Variants in EML6 observed in about 807,000 individuals in gnomAD.
The protein encoded by EML6 is echinoderm microtubule-associated protein-like 6.
Under a neutral mutation model 240.1 loss-of-function variants are expected in EML6, and 154 were observed. The observed-to-expected ratio is 0.64, with a 90% CI of 0.56 to 0.73. EML6 has a LOEUF of 0.73. Among genes scored for constraint, EML6 ranks in the 30% least tolerant of loss-of-function variants. The pLI, the probability that EML6 is intolerant of heterozygous loss-of-function variation, is 0.00. For synonymous variants in EML6, 1,148 were observed against 899.0 expected (o/e 1.28, Z -4.95); for missense variants, 2,964 against 2,474.6 (o/e 1.20, Z -4.20).
chr2:54,744,966 T>G (rs1173390972), intron 2 of EML6, among the ~76,000 whole-genome samples: 1 of 100,154 alleles, frequency 1.0e-5, no homozygotes, highest in South Asian at 3.6e-4. Flanking sequence ...ACACACACCC[T>G]GCCATGCAGG....
At chr2:54,867,867 C>T (rs1377393422) in intron 14 of EML6, 1 of 152,170 alleles carries the variant, frequency 6.6e-6, no homozygotes, top group African/African-American at 2.4e-5. Context: ...TTTACCCTAA[C>T]ATAATCTTTT....
chr2:54,831,172 G>A (rs1668851207), intron 7 of EML6, among the ~76,000 whole-genome samples: 1 of 152,180 alleles, frequency 6.6e-6, no homozygotes, highest in South Asian at 2.1e-4. Context: ...TACTTAGAGA[G>A]CAGAGTCAAC....
intron 2 of EML6, among the ~76,000 whole-genome samples, chr2:54,742,754 A>G (rs973494156): frequency 2.0e-5 from 3 of 152,238 alleles, no homozygotes; most frequent in African/African-American, 7.2e-5. Context: ...TGAGAATTCA[A>G]TTCAGTAAAG....
intron 2 of EML6, among the ~76,000 whole-genome samples, chr2:54,803,341 T>C (rs1462331894): frequency 1.3e-5 from 2 of 152,176 alleles, no homozygotes; most frequent in Non-Finnish European, 2.9e-5. Context: ...GACCTCAATT[T>C]AGCCCTATTT....
At chr2:54,766,615 T>A (rs1330336798) in intron 2 of EML6, among the ~76,000 whole-genome samples, 1 of 144,438 alleles carries the variant, frequency 6.9e-6, no homozygotes, top group Non-Finnish European at 1.6e-5. Context: ...TATGGCAAAG[T>A]TACTATTTTT....
intron 3 of EML6, 89 bp downstream of exon 3, chr2:54,813,480 A>C: frequency 1.8e-6 from 2 of 1,140,514 alleles, no homozygotes; most frequent in Non-Finnish European, 2.5e-6. Flanking sequence ...TTCAAAGTCC[A>C]TCAACCCTTG....
chr2:54,739,253 A>G (rs1683530232), intron 2 of EML6, among the ~76,000 whole-genome samples: 1 of 152,234 alleles, frequency 6.6e-6, no homozygotes, highest in Non-Finnish European at 1.5e-5. Flanking sequence ...CTATGATTTA[A>G]AAGTAGGGAT....
intron 7 of EML6, among the ~76,000 whole-genome samples, chr2:54,835,975 C>G (rs1669118995): frequency 1.3e-5 from 2 of 152,174 alleles, no homozygotes; most frequent in African/African-American, 4.8e-5. Flanking sequence ...ATCCTATTCT[C>G]CAGTCCCGCG....
At chr2:54,838,216 C>G (rs1346749017) in intron 7 of EML6, among the ~76,000 whole-genome samples, 1 of 152,226 alleles carries the variant, frequency 6.6e-6, no homozygotes, top group Non-Finnish European at 1.5e-5. Context: ...GATGTGACCA[C>G]ACATACAGCA....
At chr2:54,863,290 A>G (rs1473882994) in intron 12 of EML6, among the ~76,000 whole-genome samples, 1 of 152,228 alleles carries the variant, frequency 6.6e-6, no homozygotes, top group Non-Finnish European at 1.5e-5. Context: ...AAACCCAGGT[A>G]TCTGCTATCT....
chr2:54,846,923 A>ATTTTTTTTT (rs34352060), intron 8 of EML6, among the ~76,000 whole-genome samples: 2 of 129,912 alleles, frequency 1.5e-5, no homozygotes, highest in East Asian at 2.6e-4. Context: ...ATGAAGTAGT[A>ATTTTTTTTT]TTTTTTTTTT....
intron 11 of EML6, among the ~76,000 whole-genome samples, chr2:54,856,396 A>C (rs1214654653): frequency 6.6e-6 from 1 of 152,202 alleles, no homozygotes; most frequent in Non-Finnish European, 1.5e-5. Flanking sequence ...CACCCGTTCC[A>C]TTCCTCCTTT....
intron 25 of EML6, among the ~76,000 whole-genome samples, chr2:54,916,289 A>G (rs937513438): frequency 2.0e-5 from 3 of 152,220 alleles, no homozygotes; most frequent in Admixed American, 6.5e-5. Flanking sequence ...TTTGTTTCCC[A>G]GGAACATTTG....
chr2:54,911,890 A>G (rs1418424690), intron 25 of EML6, among the ~76,000 whole-genome samples: 4 of 152,328 alleles, frequency 2.6e-5, no homozygotes, highest in Non-Finnish European at 4.4e-5. Context: ...TTGAATCCCT[A>G]AACTAACACC....
At chr2:54,835,802 G>A (rs980898287) in intron 7 of EML6, among the ~76,000 whole-genome samples, 1 of 152,110 alleles carries the variant, frequency 6.6e-6, no homozygotes, top group Non-Finnish European at 1.5e-5. Flanking sequence ...GGCCAGGGAA[G>A]CTGCTAAAAG....
In EML6 at chr2:54,957,734, C is replaced by T. The variant is rs150617082; in HGVS notation, c.4487-56C>T. The T allele has an allele frequency of 8.7e-5, 132 of 1,511,540 alleles. 1 individual carries two copies. In the East Asian group the frequency reaches 3.2e-3, roughly 37 times the overall value. 93.6% of individuals were successfully genotyped at this position (1,511,540 alleles called of 1,614,324 possible). On this transcript the variant is annotated intron_variant, in intron 32 of 41. Transcript: ENST00000356458. ...TGGAGACCTCCTGGGCTGCGGCTCC[C>T]CCGGCCTGGCCCATGAAGCAATGAG... is the stretch of plus-strand genomic sequence containing the variant.
chr2:54,932,191 T>C (rs937190350), intron 28 of EML6, among the ~76,000 whole-genome samples: 6 of 152,240 alleles, frequency 3.9e-5, no homozygotes, highest in African/African-American at 1.4e-4. Flanking sequence ...AGATATGTAA[T>C]GTCCATGAGG....
intron 5 of EML6, among the ~76,000 whole-genome samples, chr2:54,820,863 G>T (rs1375718669): frequency 1.3e-5 from 2 of 152,216 alleles, no homozygotes; most frequent in East Asian, 3.9e-4. Flanking sequence ...TTAAAAGAAA[G>T]GTGTCAAGTT....
intron 2 of EML6, among the ~76,000 whole-genome samples, chr2:54,749,274 C>T (rs542661447): frequency 1.3e-5 from 2 of 152,230 alleles, no homozygotes; most frequent in South Asian, 4.1e-4. Flanking sequence ...TCTGTTTGGT[C>T]TCTTTCATGG....
Sources: allele counts gnomAD v4.1 joint callset (sites outside exome capture counted in the v4.1 genomes callset), GRCh38; gene constraint gnomAD v4.1.1; transcripts MANE v1.5; gene names NCBI Gene and HGNC (gene_info 2026-07-23, HGNC 2026-07-21).